RBFOX1: variants seen among roughly 807,000 people sequenced by gnomAD.
The protein encoded by RBFOX1 is RNA binding protein fox-1 homolog 1.
RBFOX1 carries 8 observed loss-of-function variants against 57.7 expected under a neutral mutation model. The observed-to-expected ratio is 0.14, with a 90% CI of 0.08 to 0.25. The LOEUF is 0.25. Ranked by LOEUF, RBFOX1 falls within the 10% of genes least tolerant of loss-of-function variation. The pLI, the probability that RBFOX1 is intolerant of heterozygous loss-of-function variation, is 1.00. For synonymous variants in RBFOX1, 326 were observed against 222.4 expected (o/e 1.47, Z -4.15); for missense variants, 611 against 548.5 (o/e 1.11, Z -1.14).
At chr16:6,584,990 C>T (rs1217194647) in intron 2 of RBFOX1, among the ~76,000 whole-genome samples, 1 of 152,172 alleles carries the variant, frequency 6.6e-6, no homozygotes, top group East Asian at 1.9e-4. Flanking sequence ...AAAGGATGCT[C>T]AACCAAAGCT....
chr16:6,865,215 C>A (rs951838583), intron 3 of RBFOX1, among the ~76,000 whole-genome samples: 2 of 151,862 alleles, frequency 1.3e-5, no homozygotes, highest in African/African-American at 2.4e-5. Flanking sequence ...GTTGGCCAGG[C>A]TGGTCTCGAA....
chr16:6,497,470 TAGA>T (rs1372768189), intron 2 of RBFOX1, among the ~76,000 whole-genome samples: 1 of 151,950 alleles, frequency 6.6e-6, no homozygotes, highest in African/African-American at 2.4e-5. Context: ...GTGTGAACTC[TAGA>T]AGAACAGCTC....
intron 1 of RBFOX1, among the ~76,000 whole-genome samples, chr16:6,290,106 G>C (rs889671704): frequency 9.9e-5 from 15 of 151,740 alleles, no homozygotes; most frequent in African/African-American, 3.6e-4. Context: ...AGGAGGAGGG[G>C]TATGTAGCTT....
At chr16:6,612,659 C>T (rs947172148) in intron 2 of RBFOX1, among the ~76,000 whole-genome samples, 10 of 151,810 alleles carry the variant, frequency 6.6e-5, no homozygotes, top group Admixed American at 1.3e-4. Flanking sequence ...CAAGATCAGC[C>T]TGGCCAACAT....
intron 3 of RBFOX1, among the ~76,000 whole-genome samples, chr16:6,702,648 C>A (rs368847179): frequency 6.6e-6 from 1 of 152,270 alleles, no homozygotes; most frequent in Admixed American, 6.5e-5. Context: ...TCTAAGATAC[C>A]CAGCCCAGTG....
At chr16:7,219,851 A>G (rs2092587089) in intron 4 of RBFOX1, among the ~76,000 whole-genome samples, 1 of 152,174 alleles carries the variant, frequency 6.6e-6, no homozygotes, top group South Asian at 2.1e-4. Context: ...TGTTTCTGAG[A>G]GTGAGTGTAT....
chr16:6,891,992 T>C (rs1306138327), intron 3 of RBFOX1, among the ~76,000 whole-genome samples: 1 of 152,186 alleles, frequency 6.6e-6, no homozygotes, highest in Non-Finnish European at 1.5e-5. Flanking sequence ...TGCTTACTGA[T>C]GCACTGCAAA....
At position 5,525,131 on chromosome 16, in the gene RBFOX1, A is replaced by C. The variant is rs147202033; in HGVS notation, c.258+57877A>C. The stretch of plus-strand genomic sequence containing the variant: ...TCCTCAGTAGATGTGTTGACTGAGT[A>C]AATGGAAAGAGGATTGTGATGCTCC... On this transcript the variant is annotated intron_variant, in intron 2 of 2. Transcript: ENST00000585867. Among the ~76,000 whole-genome samples, 279 of 152,280 alleles carry C rather than the reference A, an allele frequency of 1.8e-3. 1 individual carries two copies. The highest frequency in any genetic ancestry group is 3.2e-3 in the Non-Finnish European group (221 of 68,014).
At chr16:7,026,605 G>A (rs1241922021) in intron 3 of RBFOX1, among the ~76,000 whole-genome samples, 3 of 152,078 alleles carry the variant, frequency 2.0e-5, no homozygotes, top group African/African-American at 7.2e-5. Flanking sequence ...CTGCACAGAG[G>A]TGCAGGGAAG....
At chr16:5,749,848 A>G (rs917118306) in intron 3 of RBFOX1, among the ~76,000 whole-genome samples, 4 of 152,170 alleles carry the variant, frequency 2.6e-5, no homozygotes, top group African/African-American at 9.7e-5. Flanking sequence ...GATCGTCTGA[A>G]GCCTTCTTCT....
chr16:7,524,754 C>G (rs565173958), intron 5 of RBFOX1, among the ~76,000 whole-genome samples: 67 of 152,298 alleles, frequency 4.4e-4, no homozygotes, highest in African/African-American at 1.5e-3. Flanking sequence ...TTAACTGCGC[C>G]TCCAAATTTC....
At chr16:6,357,158 G>A (rs2087487492) in intron 2 of RBFOX1, among the ~76,000 whole-genome samples, 1 of 152,032 alleles carries the variant, frequency 6.6e-6, no homozygotes, top group African/African-American at 2.4e-5. Flanking sequence ...ATGGCACTCA[G>A]CTGCTGCTAC....
chr16:5,991,845 A>T (rs1207239132), intron 4 of RBFOX1, among the ~76,000 whole-genome samples: 3 of 152,068 alleles, frequency 2.0e-5, no homozygotes, highest in African/African-American at 7.2e-5. Context: ...CAGGGCTGGG[A>T]AATTAGATAT....
chr16:6,393,235 A>C (rs771855847), intron 2 of RBFOX1, among the ~76,000 whole-genome samples: 2 of 152,250 alleles, frequency 1.3e-5, no homozygotes, highest in African/African-American at 4.8e-5. Context: ...AAAACAAATT[A>C]AATGACTCTG....
At chr16:5,505,717 A>G (rs1251341419) in intron 2 of RBFOX1, among the ~76,000 whole-genome samples, 1 of 152,180 alleles carries the variant, frequency 6.6e-6, no homozygotes, top group African/African-American at 2.4e-5. Flanking sequence ...TACATTGTCC[A>G]GGAAGCGGGA....
intron 4 of RBFOX1, among the ~76,000 whole-genome samples, chr16:5,948,992 C>T (rs2059461874): frequency 6.6e-6 from 1 of 152,136 alleles, no homozygotes; most frequent in African/African-American, 2.4e-5. Flanking sequence ...GTCACAATCT[C>T]TTTCTCTCTA....
chr16:5,788,313 G>C (rs1228709536), intron 3 of RBFOX1, among the ~76,000 whole-genome samples: 1 of 152,132 alleles, frequency 6.6e-6, no homozygotes, highest in Non-Finnish European at 1.5e-5. Context: ...GAGACATTTA[G>C]CGCAACAAAA....
At chr16:5,854,379 G>A (rs2056973312) in intron 3 of RBFOX1, among the ~76,000 whole-genome samples, 1 of 152,108 alleles carries the variant, frequency 6.6e-6, no homozygotes. Context: ...TCTAGTCTCC[G>A]CTTTTGTGAG....
chr16:7,325,330 C>G (rs1057217535), intron 4 of RBFOX1, among the ~76,000 whole-genome samples: 2 of 152,192 alleles, frequency 1.3e-5, no homozygotes, highest in Non-Finnish European at 2.9e-5. Context: ...TGCACGGGAA[C>G]ACACAGCTGA....
Sources: gnomAD v4.1 joint callset for allele counts (sites outside exome capture counted in the v4.1 genomes callset) on GRCh38, gnomAD v4.1.1 for gene constraint, MANE v1.5 for transcripts, NCBI Gene and HGNC (gene_info 2026-07-23, HGNC 2026-07-21) for gene names.